Variants in LGR6 observed in about 807,000 individuals in gnomAD.
LGR6 encodes the protein leucine-rich repeat-containing G protein-coupled receptor 6.
A neutral mutation model predicts 69.4 loss-of-function variants in LGR6; 45 were observed. That is an observed-to-expected ratio of 0.65 (90% CI 0.51 to 0.83). The LOEUF is 0.83. LGR6 is among the 40% of genes least tolerant of loss of function. LGR6 has a pLI of 0.00. For synonymous variants in LGR6, 538 were observed against 555.0 expected (o/e 0.97, Z 0.43); for missense variants, 1,108 against 1,246.7 (o/e 0.89, Z 1.68).
At chr1:202,204,038 A>G (rs61691599) in intron 1 of LGR6, among the ~76,000 whole-genome samples, 2,620 of 151,948 alleles carry the variant, frequency 0.017, 75 homozygotes, top group African/African-American at 0.059. Flanking sequence ...GTGATGCTCT[A>G]CTTCATCAGA....
chr1:202,263,473 T>A (rs937129845), intron 4 of LGR6, among the ~76,000 whole-genome samples: 2 of 152,054 alleles, frequency 1.3e-5, no homozygotes, highest in East Asian at 3.9e-4. Flanking sequence ...TCTTCATAGG[T>A]GTTTTAGTGA....
At chr1:202,259,128 G>A (rs989015953) in intron 4 of LGR6, among the ~76,000 whole-genome samples, 4 of 151,982 alleles carry the variant, frequency 2.6e-5, no homozygotes, top group Non-Finnish European at 4.4e-5. Flanking sequence ...CATCTTGATG[G>A]TGGTAGACTA....
chr1:202,222,460 C>T (rs892327337), intron 1 of LGR6, among the ~76,000 whole-genome samples: 5 of 152,124 alleles, frequency 3.3e-5, no homozygotes, highest in Admixed American at 6.5e-5. Context: ...CTCTGCGGCC[C>T]GGCCCCTGGG....
intron 6 of LGR6, among the ~76,000 whole-genome samples, chr1:202,282,952 C>T (rs1193810629): frequency 6.6e-6 from 1 of 152,240 alleles, no homozygotes; most frequent in Non-Finnish European, 1.5e-5. Context: ...TGGCAAAGCC[C>T]TTGGCATCAG....
At chr1:202,204,567 A>AC (rs1659001992) in intron 1 of LGR6, among the ~76,000 whole-genome samples, 1 of 6,558 alleles carries the variant, frequency 1.5e-4, no homozygotes, top group African/African-American at 6.1e-4. Flanking sequence ...TCCAAACACA[A>AC]ACACACCTAA....
chr1:202,242,296 A>C (rs2148026730), intron 4 of LGR6, among the ~76,000 whole-genome samples: 1 of 152,276 alleles, frequency 6.6e-6, no homozygotes. Context: ...TTTAGCTCCA[A>C]CTCCAAAGTA....
intron 3 of LGR6, among the ~76,000 whole-genome samples, chr1:202,231,142 T>G (rs1213820198): frequency 1.3e-5 from 2 of 152,162 alleles, no homozygotes; most frequent in Non-Finnish European, 2.9e-5. Context: ...AGTTAGCATC[T>G]CCGGGACCCA....
intron 1 of LGR6, among the ~76,000 whole-genome samples, chr1:202,197,958 A>G (rs1161903845): frequency 1.3e-5 from 2 of 152,232 alleles, no homozygotes; most frequent in Non-Finnish European, 2.9e-5. Context: ...ACTTGCAGTC[A>G]CACCTAAGCA....
chr1:202,308,849 GAAC>G (rs1209700592), intron 14 of LGR6, among the ~76,000 whole-genome samples, 199 bp from the exon 15 acceptor site: 2 of 152,194 alleles, frequency 1.3e-5, no homozygotes, highest in Non-Finnish European at 2.9e-5. Context: ...ATAAAAGAAT[GAAC>G]AACCTGCAGA....
chr1:202,250,902 CT>C, intron 4 of LGR6, among the ~76,000 whole-genome samples: 1 of 152,258 alleles, frequency 6.6e-6, no homozygotes, highest in East Asian at 1.9e-4. Context: ...TGTCTGATTC[CT>C]GAGTCCATGC....
At chr1:202,234,469 G>A (rs1203288204) in intron 3 of LGR6, among the ~76,000 whole-genome samples, 3 of 152,184 alleles carry the variant, frequency 2.0e-5, no homozygotes, top group East Asian at 3.8e-4. Flanking sequence ...TGACCAGGAC[G>A]TCACATAGGA....
chr1:202,319,129 A>T lies in LGR6; in HGVS notation c.2826A>T (p.Gly942=), dbSNP rs751691331. The T allele has an allele frequency of 1.2e-6, 2 of 1,614,192 alleles. No homozygotes were observed. Among genetic ancestry groups the T allele is most frequent in the Middle Eastern group, 3.3e-4 (2 of 6,060 alleles). Residue 942 remains glycine, a synonymous_variant, in exon 18 of 18, where the codon GGA becomes GGT. Coordinates refer to ENST00000367278, the MANE Select transcript of LGR6 (RefSeq NM_001017403.2). ...MDGELLLRAE[G]STPAGGGLSG... is the part of the protein sequence containing the mutation. ...GAGAACTGCTGCTGAGGGCAGAGGG[A>T]TCTACGCCAGCAGGTGGAGGCTTGT...
At chr1:202,227,709 T>C (rs1197155081) in intron 2 of LGR6, among the ~76,000 whole-genome samples, 1 of 152,216 alleles carries the variant, frequency 6.6e-6, no homozygotes, top group African/African-American at 2.4e-5. Flanking sequence ...TGACTTCTCC[T>C]AGCCTCAGTT....
At chr1:202,204,689 A>G (rs1445265460) in intron 1 of LGR6, among the ~76,000 whole-genome samples, 549 of 37,506 alleles carry the variant, frequency 0.015, 9 homozygotes, top group Non-Finnish European at 0.02. Context: ...ACACACACAC[A>G]CCCCCAAACA....
chr1:202,214,450 G>A (rs1465148557), intron 1 of LGR6, among the ~76,000 whole-genome samples: 20 of 151,718 alleles, frequency 1.3e-4, no homozygotes, highest in Admixed American at 1.3e-3. Flanking sequence ...GCAGGGGCAC[G>A]GCCAGGCGGG....
chr1:202,316,134 T>C (rs977561765), intron 17 of LGR6, among the ~76,000 whole-genome samples: 2 of 152,214 alleles, frequency 1.3e-5, no homozygotes, highest in Non-Finnish European at 2.9e-5. Flanking sequence ...ACAGTTGTCT[T>C]AGTCCGCTTC....
chr1:202,233,878 A>G (rs954304942), intron 3 of LGR6, among the ~76,000 whole-genome samples: 2 of 152,146 alleles, frequency 1.3e-5, no homozygotes, highest in African/African-American at 2.4e-5. Flanking sequence ...AAAAGAGAAA[A>G]CTAAGGCCCG....
intron 2 of LGR6, 63 bp downstream of exon 2, chr1:202,225,557 G>C (rs1660480927): frequency 6.9e-7 from 1 of 1,444,152 alleles, no homozygotes; most frequent in South Asian, 1.1e-5. Context: ...TCTGGAACCA[G>C]AGCTCCCCAG....
At chr1:202,225,980 C>A (rs1660517240) in intron 2 of LGR6, among the ~76,000 whole-genome samples, 1 of 152,166 alleles carries the variant, frequency 6.6e-6, no homozygotes, top group Non-Finnish European at 1.5e-5. Context: ...CTTCAGGATG[C>A]ATCTCACCAG....
Sources: gnomAD v4.1 joint callset for allele counts (sites outside exome capture counted in the v4.1 genomes callset) on GRCh38, gnomAD v4.1.1 for gene constraint, MANE v1.5 for transcripts, NCBI Gene and HGNC (gene_info 2026-07-23, HGNC 2026-07-21) for gene names.